Variants in SVOPL observed in about 807,000 individuals in gnomAD.
SVOPL encodes SVOP like.
SVOPL carries 60 observed loss-of-function variants against 61.0 expected under a neutral mutation model. The ratio of observed to expected loss-of-function variants is 0.98; its 90% CI spans 0.80 to 1.22. The LOEUF (loss-of-function observed/expected upper bound fraction) is 1.22, where lower values mean the gene tolerates loss of function less well. Among genes scored for constraint, SVOPL ranks in the 50% most tolerant of loss-of-function variants. The pLI is 0.00. For synonymous variants in SVOPL, 279 were observed against 250.0 expected, an observed-to-expected ratio of 1.12 and a Z score of -1.09; for missense variants, 662 against 643.9, an observed-to-expected ratio of 1.03 and a Z score of -0.30.
chr7:138,640,220 A>AC (rs1246632355), intron 9 of SVOPL, among the ~76,000 whole-genome samples: 1 of 31,584 alleles, frequency 3.2e-5, no homozygotes, highest in Non-Finnish European at 5.6e-5. Flanking sequence ...TTTTTTTTTA[A>AC]CTTTTTTTTT....
In SVOPL at chr7:138,659,996, A is replaced by AAC; in HGVS notation, c.346-10_346-9dup. Reference sequence around the variant, plus strand: ...GAACGAGATGAGCAGAATCTGAAGCAACAGCAGAACACATGAATGGGACCT... The same window carrying AAC: ...GAACGAGATGAGCAGAATCTGAAGCAACACAGCAGAACACATGAATGGGACCT... On this transcript the variant is annotated splice_polypyrimidine_tract_variant and intron_variant, in intron 5 of 15. Transcript: ENST00000674285. 1 of 1,551,486 alleles carries AAC rather than the reference A, an allele frequency of 6.4e-7. No homozygotes were observed. Among genetic ancestry groups the AAC allele is most frequent in the Non-Finnish European group, 8.7e-7 (1 of 1,146,906 alleles).
At chr7:138,596,349 T>C in intron 15 of SVOPL, 68 bp downstream of exon 15, 7 of 1,353,506 alleles carry the variant, frequency 5.2e-6, no homozygotes, top group Non-Finnish European at 7.3e-6. Context: ...GATGCCCATA[T>C]ACCAAGTTCA....
chr7:138,621,896 A>ATGTATCTG (rs1799600782), intron 13 of SVOPL, among the ~76,000 whole-genome samples: 1 of 134,882 alleles, frequency 7.4e-6, no homozygotes, highest in African/African-American at 3.2e-5. Context: ...CTATCTATCT[A>ATGTATCTG]TCTATCTATG....
At chr7:138,599,172 A>C (rs1176900643) in intron 14 of SVOPL, among the ~76,000 whole-genome samples, 1 of 135,594 alleles carries the variant, frequency 7.4e-6, no homozygotes, top group Non-Finnish European at 1.6e-5. Flanking sequence ...AAAAAAAAGA[A>C]ATACAGAAAT....
chr7:138,634,528 G>A lies in SVOPL; in HGVS notation c.790-4406C>T, dbSNP rs28578987. Among the ~76,000 whole-genome samples, 945 of 151,422 alleles carry A rather than the reference G, an allele frequency of 6.2e-3. 21 individuals are homozygous for A. The highest frequency in any genetic ancestry group is 0.021 in the African/African-American group (883 of 41,180). On this transcript the variant is annotated intron_variant, in intron 9 of 15. Coordinates refer to ENST00000674285, the MANE Select transcript of SVOPL (RefSeq NM_001139456.2). ...CCAGGTGTGGTGGTGTGCACCTATA[G>A]TCCCAGCTATTCAGGAGGCAGAGGC...
At chr7:138,649,233 C>G in intron 7 of SVOPL, 96 bp from the exon 8 acceptor site, 1 of 1,423,502 alleles carries the variant, frequency 7.0e-7, no homozygotes, top group Non-Finnish European at 9.3e-7. Context: ...GATTAAAATT[C>G]CTTCTGTCCC....
At chr7:138,614,994 G>A (rs80232372) in intron 14 of SVOPL, among the ~76,000 whole-genome samples, 13,615 of 152,160 alleles carry the variant, frequency 0.089, 807 homozygotes, top group African/African-American at 0.16. Flanking sequence ...GCCGCACACC[G>A]TGAGGCTGTC....
chr7:138,600,388 G>A (rs1423573607), intron 14 of SVOPL, among the ~76,000 whole-genome samples: 2 of 152,260 alleles, frequency 1.3e-5, no homozygotes, highest in African/African-American at 4.8e-5. Flanking sequence ...TCTAGCTAGA[G>A]CCCAGGAGTT....
chr7:138,663,889 C>T (rs978625364), intron 4 of SVOPL, among the ~76,000 whole-genome samples: 1 of 152,156 alleles, frequency 6.6e-6, no homozygotes, highest in Non-Finnish European at 1.5e-5. Context: ...CTCTGTTTCC[C>T]TTTCGCTGTC....
intron 8 of SVOPL, among the ~76,000 whole-genome samples, chr7:138,647,573 G>T (rs747077026): frequency 6.6e-6 from 1 of 151,942 alleles, no homozygotes; most frequent in Admixed American, 6.6e-5. Flanking sequence ...ATGTCTGGCC[G>T]GGTGTGGTGG....
chr7:138,607,437 C>T (rs938810869), intron 14 of SVOPL, among the ~76,000 whole-genome samples: 51 of 152,212 alleles, frequency 3.4e-4, no homozygotes, highest in Admixed American at 7.8e-4. Context: ...CCACAGAGGT[C>T]GGAGGAAACC....
chr7:138,617,708 T>C lies in SVOPL; in HGVS notation c.1353+3338A>G, dbSNP rs948323004. On this transcript the variant is annotated intron_variant, in intron 14 of 15. Coordinates refer to ENST00000674285, the MANE Select transcript of SVOPL (RefSeq NM_001139456.2). ...AAAATTAGCCAGGCATGGTGGCACA[T>C]GCCTGTAGTCCCAGCTACTTGTGGG... 5.3e-5 allele frequency among the ~76,000 whole-genome samples: 8 copies of C among 152,278 alleles called. No homozygotes were observed. In the South Asian group the frequency reaches 1.4e-3, roughly 28 times the overall value.
At position 138,682,706 on chromosome 7, in the gene SVOPL, C is replaced by T. The variant is rs113186416; in HGVS notation, c.-34-3627G>A. On this transcript the variant is annotated intron_variant, in intron 1 of 15. Transcript: ENST00000674285. ...GTGTGTGGCTGGGTGCAGTGGCTCA[C>T]CTCTGTAATCCCAGTACTTTGGGAA... 3.3e-3 allele frequency among the ~76,000 whole-genome samples: 498 copies of T among 152,114 alleles called. 4 individuals carry two copies. The highest frequency in any genetic ancestry group is 0.011 in the African/African-American group (460 of 41,500).
chr7:138,661,994 C>T (rs1802023361), intron 5 of SVOPL: 4 of 985,470 alleles, frequency 4.1e-6, no homozygotes, highest in Non-Finnish European at 3.6e-6. Context: ...CCACTGCGTT[C>T]CCCTAACTCC....
chr7:138,637,278 ATTAG>A (rs528487604), intron 9 of SVOPL, among the ~76,000 whole-genome samples: 167 of 152,054 alleles, frequency 1.1e-3, no homozygotes, highest in Non-Finnish European at 2.0e-3. Flanking sequence ...AAATACAAAA[ATTAG>A]TTAGGTGTGG....
At chr7:138,691,631 C>T (rs1802944250) in intron 1 of SVOPL, among the ~76,000 whole-genome samples, 1 of 152,270 alleles carries the variant, frequency 6.6e-6, no homozygotes, top group Non-Finnish European at 1.5e-5. Flanking sequence ...ACCTCTGCCT[C>T]CCAGGTTCAA....
At chr7:138,617,207 T>C (rs1216012680) in intron 14 of SVOPL, among the ~76,000 whole-genome samples, 1 of 152,194 alleles carries the variant, frequency 6.6e-6, no homozygotes, top group Non-Finnish European at 1.5e-5. Flanking sequence ...TGGCCTCATG[T>C]GATCTGTCCA....
At chr7:138,630,010 C>T in intron 10 of SVOPL, 39 bp downstream of exon 10, 1 of 1,548,434 alleles carries the variant, frequency 6.5e-7, no homozygotes, top group Non-Finnish European at 8.9e-7. Flanking sequence ...CTCCCAATGC[C>T]TCTATTTAAA....
chr7:138,648,483 T>G (rs1673175), intron 8 of SVOPL, among the ~76,000 whole-genome samples: 1 of 138,996 alleles, frequency 7.2e-6, no homozygotes, highest in Non-Finnish European at 1.5e-5. Flanking sequence ...GGGTGGATCA[T>G]GAGGTCAGGA....
Sources: allele counts gnomAD v4.1 joint callset (sites outside exome capture counted in the v4.1 genomes callset), GRCh38; gene constraint gnomAD v4.1.1; transcripts MANE v1.5; gene names NCBI Gene and HGNC (gene_info 2026-07-23, HGNC 2026-07-21).